The following CHST15 variants were observed in gnomAD, a reference collection of about 807,000 sequenced individuals.
CHST15 encodes B cell RAG associated protein (GALNAC4S-6ST).
CHST15 carries 30 observed loss-of-function variants against 53.6 expected under a neutral mutation model. The ratio of observed to expected loss-of-function variants is 0.56; its 90% CI spans 0.42 to 0.76. The LOEUF (loss-of-function observed/expected upper bound fraction) is 0.76, where lower values mean the gene tolerates loss of function less well. Among genes scored for constraint, CHST15 ranks in the 30% least tolerant of loss-of-function variants. CHST15 has a pLI of 0.00. For synonymous variants in CHST15, 296 were observed against 289.8 expected (o/e 1.02, Z -0.22); for missense variants, 627 against 740.5 (o/e 0.85, Z 1.78).
intron 1 of CHST15, among the ~76,000 whole-genome samples, chr10:124,069,369 C>A (rs1948842418): frequency 1.6e-5 from 1 of 63,402 alleles, no homozygotes; most frequent in African/African-American, 7.9e-5. Context: ...TTTGGGGGAC[C>A]CCCCCCCCAA....
chr10:124,058,652 T>C (rs1295082287), intron 1 of CHST15, among the ~76,000 whole-genome samples: 1 of 152,132 alleles, frequency 6.6e-6, no homozygotes, highest in African/African-American at 2.4e-5. Context: ...GTCTCCCTTG[T>C]AAGGAGGCGA....
Position 124,036,350 on chromosome 10 carries a change from C to T in CHST15, c.1190+2165G>A, listed in dbSNP as rs1308380381. On this transcript the variant is annotated intron_variant, in intron 5 of 7. Transcript: ENST00000435907. This position sits in a 1 kb window ranked among gnomAD's most constrained non-coding sequence, Gnocchi z 5.1. ...AGGGACGGCAAGTCAGTGCCTGCCT[C>T]AGAACAGAGTGGAAGAAGTCCTGGG... Among the ~76,000 whole-genome samples the T allele has an allele frequency of 6.6e-6, 1 of 152,202 alleles. No individual in the cohort carries two copies. Among genetic ancestry groups the T allele is most frequent in the Admixed American group, 6.5e-5 (1 of 15,282 alleles).
intron 5 of CHST15, among the ~76,000 whole-genome samples, chr10:124,031,982 T>C (rs1291920489): frequency 6.6e-6 from 1 of 152,178 alleles, no homozygotes; most frequent in Non-Finnish European, 1.5e-5. Flanking sequence ...TCACACACTC[T>C]GCAGACAGAG....
chr10:124,082,020 C>T (rs1035421171), intron 1 of CHST15, among the ~76,000 whole-genome samples: 5 of 152,144 alleles, frequency 3.3e-5, no homozygotes, highest in Non-Finnish European at 4.4e-5. Flanking sequence ...AAGATGCTGG[C>T]GCCACAAGGT....
chr10:124,051,625 C>T (rs1397870279), intron 1 of CHST15, among the ~76,000 whole-genome samples: 1 of 152,200 alleles, frequency 6.6e-6, no homozygotes, highest in African/African-American at 2.4e-5. Flanking sequence ...GATTGCTTCC[C>T]ACCTGGGCTC....
Position 124,044,887 on chromosome 10 carries a change from T to G in CHST15, c.579A>C (p.Pro193=). Residue 193 remains proline, a synonymous_variant, in exon 3 of 8, where the codon CCA becomes CCC. Transcript: ENST00000435907. ...MFSVIPNKFL[P]NSKSPCWYEE... ...CGTACCAACAGGGGCTCTTACTGTTTGGAAGGAATTTGTTGGGGATGACTG... is the reference window on the plus strand; with the variant it reads ...CGTACCAACAGGGGCTCTTACTGTTGGGAAGGAATTTGTTGGGGATGACTG... 4 of 1,451,930 alleles carry G rather than the reference T, an allele frequency of 2.8e-6. No homozygotes were observed. Among genetic ancestry groups the G allele is most frequent in the East Asian group, 2.6e-5 (1 of 38,116 alleles). The allele number at this position is 1,451,930 out of a possible 1,614,324, so 89.9% of individuals were successfully genotyped here. A position where few individuals can be genotyped will look rare whatever the true frequency, so the allele number is the denominator to read the frequency against.
At chr10:124,092,822 C>A (rs1262972268) in intron 1 of CHST15, among the ~76,000 whole-genome samples, 1 of 152,240 alleles carries the variant, frequency 6.6e-6, no homozygotes, top group Non-Finnish European at 1.5e-5. Flanking sequence ...GCGCTCACAC[C>A]GTGAAAGCAC....
intron 1 of CHST15, among the ~76,000 whole-genome samples, chr10:124,083,290 T>G (rs1949312786): frequency 6.6e-6 from 1 of 152,172 alleles, no homozygotes; most frequent in South Asian, 2.1e-4. Flanking sequence ...CCAAAAAAAC[T>G]GCTGACTCAA....
In CHST15 at chr10:124,009,564, A is replaced by C; in HGVS notation, c.*585T>G. On this transcript the variant is annotated 3_prime_UTR_variant, in exon 8 of 8. Coordinates refer to ENST00000435907, the MANE Select transcript of CHST15 (RefSeq NM_001270764.2). ...GAGAAAAAAAAAATGAAGAGCCTCC[A>C]TTCTCGAAAGACTGCGGTTCTCTGT... The C allele has an allele frequency of 2.0e-6, 2 of 989,046 alleles. No homozygotes were observed. The highest frequency in any genetic ancestry group is 2.4e-6 in the Non-Finnish European group (2 of 831,974). The allele number at this position is 989,046 out of a possible 1,614,324, so 61.3% of individuals were successfully genotyped here. A position where few individuals can be genotyped will look rare whatever the true frequency, so the allele number is the denominator to read the frequency against.
chr10:124,021,187 A>G (rs1946766109), intron 6 of CHST15, 69 bp downstream of exon 6: 1 of 1,560,758 alleles, frequency 6.4e-7, no homozygotes, highest in Non-Finnish European at 8.7e-7. Flanking sequence ...TGCCGCTTGC[A>G]TAATAACAAC....
intron 4 of CHST15, among the ~76,000 whole-genome samples, chr10:124,040,915 T>C (rs1947707999): frequency 6.6e-6 from 1 of 152,260 alleles, no homozygotes; most frequent in Non-Finnish European, 1.5e-5. Flanking sequence ...TTTCATTCAT[T>C]ATCTTAGTCT....
intron 1 of CHST15, among the ~76,000 whole-genome samples, chr10:124,088,521 C>A (rs1372142463): frequency 6.6e-6 from 1 of 152,218 alleles, no homozygotes; most frequent in South Asian, 2.1e-4. Flanking sequence ...TGCTGATTCA[C>A]GCCGCCTCCT....
intron 1 of CHST15, among the ~76,000 whole-genome samples, chr10:124,092,959 C>T (rs897260819): frequency 3.3e-5 from 5 of 152,222 alleles, no homozygotes; most frequent in Admixed American, 6.5e-5. Context: ...CGGCTTGCGC[C>T]CCCCGCCGGC....
At position 124,074,165 on chromosome 10, in the gene CHST15, C is replaced by A. The variant is rs1482813216; in HGVS notation, c.-513+19304G>T. ...CCTGCTGCACCCCCAGGGAAGGTAGCTTGCTCTCCCTCCCAAGATCTTTCC... is the reference window on the plus strand; with the variant it reads ...CCTGCTGCACCCCCAGGGAAGGTAGATTGCTCTCCCTCCCAAGATCTTTCC... On this transcript the variant is annotated intron_variant, in intron 1 of 7. Coordinates refer to ENST00000435907, the MANE Select transcript of CHST15 (RefSeq NM_001270764.2). This position sits in a 1 kb window ranked among gnomAD's most constrained non-coding sequence, Gnocchi z 4.4. 6.6e-6 allele frequency among the ~76,000 whole-genome samples: 1 copy of A among 152,250 alleles called. No homozygotes were observed. Among genetic ancestry groups the A allele is most frequent in the Admixed American group, 6.5e-5 (1 of 15,294 alleles).
chr10:124,051,743 T>C (rs1297475994), intron 1 of CHST15, among the ~76,000 whole-genome samples: 1 of 152,202 alleles, frequency 6.6e-6, no homozygotes, highest in Non-Finnish European at 1.5e-5. Flanking sequence ...CAGCCCTTGC[T>C]TGGACACCCC....
chr10:124,086,838 C>T (rs1159793329), intron 1 of CHST15, among the ~76,000 whole-genome samples: 3 of 152,186 alleles, frequency 2.0e-5, no homozygotes, highest in African/African-American at 4.8e-5. Context: ...AACCGAGATG[C>T]AAGCTAAGCC....
chr10:124,088,519 C>G (rs942093011), intron 1 of CHST15, among the ~76,000 whole-genome samples: 1 of 152,234 alleles, frequency 6.6e-6, no homozygotes, highest in Non-Finnish European at 1.5e-5. Context: ...CTTGCTGATT[C>G]ACGCCGCCTC....
intron 5 of CHST15, among the ~76,000 whole-genome samples, chr10:124,038,258 C>T (rs140684939): frequency 2.6e-5 from 4 of 152,150 alleles, no homozygotes; most frequent in Non-Finnish European, 5.9e-5. Flanking sequence ...AGGAGTGTGC[C>T]ACCACATCTG....
At chr10:124,090,284 T>C (rs1330076579) in intron 1 of CHST15, among the ~76,000 whole-genome samples, 2 of 152,218 alleles carry the variant, frequency 1.3e-5, no homozygotes, top group Admixed American at 1.3e-4. Flanking sequence ...TGACACTGTT[T>C]TCCCCCCAAC....
Sources: gnomAD v4.1 joint callset for allele counts (sites outside exome capture counted in the v4.1 genomes callset) on GRCh38, gnomAD v4.1.1 for gene constraint, Gnocchi (gnomAD v3.1) non-coding constraint, MANE v1.5 for transcripts, NCBI Gene and HGNC (gene_info 2026-07-23, HGNC 2026-07-21) for gene names.